COL1A1: variants seen among roughly 807,000 people sequenced by gnomAD.
COL1A1 encodes the protein collagen alpha-1(I) chain.
In COL1A1, 21 loss-of-function variants were observed where a neutral mutation model predicts 195.7. That is an observed-to-expected ratio of 0.11 (90% CI 0.08 to 0.15). The LOEUF (loss-of-function observed/expected upper bound fraction) is 0.15. COL1A1 is among the 10% of genes least tolerant of loss of function. COL1A1 has a pLI of 1.00. For synonymous variants in COL1A1, 749 were observed against 747.3 expected (o/e 1.00, Z -0.04); for missense variants, 1,365 against 2,051.0 (o/e 0.67, Z 6.46).
chr17:50,187,038 G>T lies in COL1A1; in HGVS notation c.3508C>A (p.Arg1170Ser). The T allele has an allele frequency of 1.9e-6, 3 of 1,613,698 alleles. No individual in the cohort carries two copies. The highest frequency in any genetic ancestry group is 1.7e-6 in the Non-Finnish European group (2 of 1,179,868). Residue 1170 changes from arginine (R) to serine (S), a missense_variant, in exon 47 of 51, where the codon CGC becomes AGC. By Grantham distance (110) the Arg-to-Ser change is moderately radical (BLOSUM62 -1). Coordinates refer to ENST00000225964, the MANE Select transcript of COL1A1 (RefSeq NM_000088.4). ...GPIGPPGPRG[R>S]TGDAGPVGPP... ...ACAACAGGACCAGCATCACCAGTGCGACCGCGAGGACCAGGGGGCCCAATG... is the reference window on the plus strand; with the variant it reads ...ACAACAGGACCAGCATCACCAGTGCTACCGCGAGGACCAGGGGGCCCAATG...
In COL1A1 at chr17:50,196,314, A is replaced by G. The variant is rs758651522; in HGVS notation, c.957T>C (p.Ala319=). The G allele has an allele frequency of 1.9e-6, 3 of 1,608,562 alleles. No individual in the cohort carries two copies. Among genetic ancestry groups the G allele is most frequent in the Non-Finnish European group, 2.5e-6 (3 of 1,177,152 alleles). ...ERGRPGAPGP[A]GARGNDGATG... ...CCCCCAAGGGGCCAGGAGTACTTAC[A>G]GCAGGGCCAGGGGCTCCAGGGCGAC... Residue 319 remains alanine, a splice_region_variant and synonymous_variant, in exon 14 of 51, where the codon GCT becomes GCC. Transcript: ENST00000225964.
chr17:50,198,608 G>A (rs1208018646), intron 5 of COL1A1, 104 bp from the exon 6 acceptor site: 4 of 892,242 alleles, frequency 4.5e-6, no homozygotes, highest in South Asian at 1.4e-5. Flanking sequence ...GGTGTGATGT[G>A]CTGAGAAGAA....
In COL1A1 at chr17:50,189,589, A is replaced by G; in HGVS notation, c.2668-51T>C. On this transcript the variant is annotated intron_variant, in intron 38 of 50. Transcript: ENST00000225964. The surrounding 1 kb of genome is among the most constrained non-coding windows in gnomAD (Gnocchi z 5.5). ...AGACTCCAGGGGGCTCTGGTGCATC[A>G]TTGGGTCCTCAGTCAGCCCCACCAT... The G allele has an allele frequency of 6.2e-7, 1 of 1,612,050 alleles. No individual in the cohort carries two copies. Among genetic ancestry groups the G allele is most frequent in the Non-Finnish European group, 8.5e-7 (1 of 1,179,014 alleles).
rs755059540 is a variant in COL1A1, at chr17:50,194,113, G to C, written c.1668+17C>G. The C allele has an allele frequency of 1.2e-6, 2 of 1,612,904 alleles. No homozygotes were observed. The highest frequency in any genetic ancestry group is 1.7e-5 in the Admixed American group (1 of 60,002). On this transcript the variant is annotated intron_variant, in intron 24 of 50. Transcript: ENST00000225964. This position sits in a 1 kb window ranked among gnomAD's most constrained non-coding sequence, Gnocchi z 6.8. ...AGACAGGACAATGGCAGGGGGTTCA[G>C]GGGGAGTGATACTTACAGGGGGGCC...
Position 50,199,261 on chromosome 17 carries a change from G to A in COL1A1, c.436C>T (p.Pro146Ser), listed in dbSNP as rs756846639. 1.8e-5 allele frequency: 27 copies of A among 1,499,434 alleles called. No individual in the cohort carries two copies. Among genetic ancestry groups the A allele is most frequent in the Middle Eastern group, 2.2e-4 (1 of 4,462 alleles). The allele number at this position is 1,499,434 out of a possible 1,614,324, so 92.9% of individuals were successfully genotyped here. A position where few individuals can be genotyped will look rare whatever the true frequency, so the allele number is the denominator to read the frequency against. ...CCAGGGGGTCCGGGAGGTCCGGGGG[G>A]TCCGGGGGGTCCGGGAAGTCCAGGC... ...GQPGLPGPPG[P>S]PGPPGPPGLG... The change falls in exon 5 of 51, where the codon CCC (proline) becomes TCC (serine). Residue 146 changes from proline to serine, a missense_variant. Around this residue, in one of 5 missense-constraint regions of COL1A1, gnomAD observed 194 missense variants for 221.7 expected, o/e 0.88. Coordinates refer to ENST00000225964, the MANE Select transcript of COL1A1 (RefSeq NM_000088.4).
Position 50,194,514 on chromosome 17 carries a change from G to T in COL1A1, c.1515+59C>A. 6.2e-7 allele frequency: 1 copy of T among 1,613,058 alleles called. No individual in the cohort carries two copies. The highest frequency in any genetic ancestry group is 1.3e-5 in the African/African-American group (1 of 75,030). ...TGTGGCTCTTTGCCACGGGCCAAAAGAGGAAGAAGATGCCCAGGGAGCGGC... is the reference window on the plus strand; with the variant it reads ...TGTGGCTCTTTGCCACGGGCCAAAATAGGAAGAAGATGCCCAGGGAGCGGC... On this transcript the variant is annotated intron_variant, in intron 22 of 50. Coordinates refer to ENST00000225964, the MANE Select transcript of COL1A1 (RefSeq NM_000088.4). This position sits in a 1 kb window ranked among gnomAD's most constrained non-coding sequence, Gnocchi z 6.8.
At position 50,194,656 on chromosome 17, in the gene COL1A1, C is replaced by T. The variant is rs372961640; in HGVS notation, c.1462-30G>A. 25 of 1,557,406 alleles carry T rather than the reference C, an allele frequency of 1.6e-5. No homozygotes were observed. The highest frequency in any genetic ancestry group is 1.7e-4 in the Middle Eastern group (1 of 6,016). The stretch of plus-strand genomic sequence containing the variant: ...AGGAGGAGAGGAGGCCAGTGAACTC[C>T]GCGACACACAGGCACCAGCCAGGCA... On this transcript the variant is annotated intron_variant, in intron 21 of 50. Coordinates refer to ENST00000225964, the MANE Select transcript of COL1A1 (RefSeq NM_000088.4). This position sits in a 1 kb window ranked among gnomAD's most constrained non-coding sequence, Gnocchi z 6.8.
chr17:50,192,271 C>T, intron 29 of COL1A1: 1 of 734,132 alleles, frequency 1.4e-6, no homozygotes, highest in South Asian at 1.7e-5. Context: ...CAGCATATTC[C>T]AGCAGCTCTT....
In COL1A1 at chr17:50,190,393, GA is replaced by G; in HGVS notation, c.2398-14del. The G allele has an allele frequency of 6.2e-7, 1 of 1,612,070 alleles. No homozygotes were observed. The highest frequency in any genetic ancestry group is 8.5e-7 in the Non-Finnish European group (1 of 1,178,440). The stretch of plus-strand genomic sequence containing the variant: ...CACCACGGTCTCCCTAGAAGAAAAG[GA>G]GTCAGATTGGAGAGATGCGCTGACA... On this transcript the variant is annotated splice_polypyrimidine_tract_variant and intron_variant, in intron 34 of 50. Transcript: ENST00000225964. This position sits in a 1 kb window ranked among gnomAD's most constrained non-coding sequence, Gnocchi z 4.7.
intron 29 of COL1A1, 151 bp downstream of exon 29, chr17:50,192,324 C>T (rs1907172410): frequency 1.1e-6 from 1 of 912,964 alleles, no homozygotes; most frequent in African/African-American, 1.6e-5. Context: ...CCCCCACTTC[C>T]CTCTGTGCTG....
chr17:50,187,464 A>T lies in COL1A1; in HGVS notation c.3423+20T>A. 1 of 1,613,750 alleles carries T rather than the reference A, an allele frequency of 6.2e-7. No homozygotes were observed. Among genetic ancestry groups the T allele is most frequent in the Non-Finnish European group, 8.5e-7 (1 of 1,179,832 alleles). On this transcript the variant is annotated intron_variant, in intron 46 of 50. Transcript: ENST00000225964. Reference sequence around the variant, plus strand: ...CCTGGGCTTGGGGCTCAGGAAGAGGAGAGAGAAGGCATGACTTACTCGGGG... The same window carrying T: ...CCTGGGCTTGGGGCTCAGGAAGAGGTGAGAGAAGGCATGACTTACTCGGGG...
chr17:50,199,608 G>GC lies in COL1A1; in HGVS notation c.299-19dup. ...GGGTGACTCTAGGGGACGAAGAGAC[G>GC]CGCGTTAGAGCCAAGGTTTGCTAAT... is the stretch of plus-strand genomic sequence containing the variant. On this transcript the variant is annotated intron_variant, in intron 2 of 50. Transcript: ENST00000225964. 1 of 1,614,066 alleles carries GC rather than the reference G, an allele frequency of 6.2e-7. No individual in the cohort carries two copies. The highest frequency in any genetic ancestry group is 8.5e-7 in the Non-Finnish European group (1 of 1,179,962).
rs765768724 is a variant in COL1A1 at position 50,197,257 on chromosome 17, C to T, written c.697-24G>A. On this transcript the variant is annotated intron_variant, in intron 9 of 50. Transcript: ENST00000225964. The stretch of plus-strand genomic sequence containing the variant: ...CCCTGAGAGGGAGAGAAAAGACCAT[C>T]ATGCCTCTGCCTCCCCACCACCGCC... The T allele has an allele frequency of 3.7e-6, 6 of 1,611,714 alleles. No homozygotes were observed. In the South Asian group the frequency reaches 6.6e-5, roughly 18 times the overall value.
rs1906998562 is a variant in COL1A1, at chr17:50,190,673, C to A, written c.2344-77G>T. The A allele has an allele frequency of 6.5e-7, 1 of 1,548,694 alleles. No homozygotes were observed. ...TAGTAGATGACCCCAGGAGAGCCTC[C>A]CCTCCTTCTGGTCCCTCCAGGTTCC... On this transcript the variant is annotated intron_variant, in intron 33 of 50. Coordinates refer to ENST00000225964, the MANE Select transcript of COL1A1 (RefSeq NM_000088.4). The surrounding 1 kb of genome is among the most constrained non-coding windows in gnomAD (Gnocchi z 4.7).
chr17:50,193,709 C>T, intron 25 of COL1A1: 1 of 536,934 alleles, frequency 1.9e-6, no homozygotes, highest in Admixed American at 2.8e-5. Context: ...TCTCAAACTC[C>T]TGACCTCATG....
Position 50,194,597 on chromosome 17 carries a change from G to C in COL1A1, c.1491C>G (p.Gly497=). The change falls in exon 22 of 51, where the codon GGC becomes GGG. Residue 497 remains glycine, a synonymous_variant. Coordinates refer to ENST00000225964, the MANE Select transcript of COL1A1 (RefSeq NM_000088.4). The surrounding 1 kb of genome is among the most constrained non-coding windows in gnomAD (Gnocchi z 6.8). ...RGGPGSRGFP[G]ADGVAGPKGP... ...CCTTGGGACCAGCAACACCATCTGCGCCAGGGAAACCACGGCTACCAGGTC... is the reference window on the plus strand; with the variant it reads ...CCTTGGGACCAGCAACACCATCTGCCCCAGGGAAACCACGGCTACCAGGTC... 1 of 1,575,938 alleles carries C rather than the reference G, an allele frequency of 6.3e-7. No homozygotes were observed. The highest frequency in any genetic ancestry group is 1.3e-5 in the African/African-American group (1 of 74,080).
At position 50,201,559 on chromosome 17, in the gene COL1A1, T is replaced by G. The variant is rs753337584; in HGVS notation, c.-46A>C. 1.3e-6 allele frequency: 2 copies of G among 1,545,550 alleles called. No individual in the cohort carries two copies. Among genetic ancestry groups the G allele is most frequent in the East Asian group, 4.6e-5 (2 of 43,304 alleles). ...GACTCTTTGTGGCTGGGGAGGGGGT[T>G]AGCGTCCGCTCATGCGTGGCCTCAC... On this transcript the variant is annotated 5_prime_UTR_variant, in exon 1 of 51. It removes the in-frame stop codon of an upstream open reading frame in the 5' UTR. Transcript: ENST00000225964.
rs148275339 is a variant in COL1A1 at position 50,193,012 on chromosome 17, G to A, written c.1803C>T (p.Pro601=). The change falls in exon 26 of 51, where the codon CCC becomes CCT. Residue 601 remains proline, a synonymous_variant. Transcript: ENST00000225964. ...TACTTACGACAGCGCCAGGGGGTCC[G>A]GGAACACCTCGCTCTCCAGCCTTGC... The part of the protein sequence containing the change: ...EPGKAGERGV[P]GPPGAVGPAG... 7.8e-3 allele frequency: 12,617 copies of A among 1,614,064 alleles called. 74 individuals carry two copies. The highest frequency in any genetic ancestry group is 0.011 in the Middle Eastern group (69 of 6,062).
chr17:50,199,201 G>A (rs965082402), intron 5 of COL1A1, 25 bp downstream of exon 5: 7 of 1,439,552 alleles, frequency 4.9e-6, no homozygotes, highest in African/African-American at 2.9e-5. Context: ...AGGGGAGAGT[G>A]GACACACAAG....
Sources: gnomAD v4.1 joint callset for allele counts on GRCh38, gnomAD v4.1.1 for gene constraint, gnomAD v4.1.1 regional missense constraint, Gnocchi (gnomAD v3.1) non-coding constraint, MANE v1.5 for transcripts, NCBI Gene and HGNC (gene_info 2026-07-23, HGNC 2026-07-21) for gene names.